UST: variants seen among roughly 807,000 people sequenced by gnomAD.
UST encodes uronyl 2-sulfotransferase.
A neutral mutation model predicts 45.6 loss-of-function variants in UST; 21 were observed. The observed-to-expected ratio is 0.46, with a 90% confidence interval of 0.33 to 0.66. The LOEUF (loss-of-function observed/expected upper bound fraction) is 0.66. Ranked by LOEUF, UST falls within the 30% of genes least tolerant of loss-of-function variation. The probability of loss-of-function intolerance (pLI) is 0.02; values close to 1 mark genes in which losing one functional copy is unlikely to be tolerated. For missense variants in UST, 463 were observed against 512.4 expected, an observed-to-expected ratio of 0.90 and a Z score of 0.93; for synonymous variants, 215 against 200.6, an observed-to-expected ratio of 1.07 and a Z score of -0.61.
At chr6:148,890,941 T>C (rs1256428645) in intron 2 of UST, among the ~76,000 whole-genome samples, 1 of 152,192 alleles carries the variant, frequency 6.6e-6, no homozygotes, top group Non-Finnish European at 1.5e-5. Context: ...AACAAAAGCA[T>C]GATAGCTCTT....
At chr6:148,964,372 G>A in intron 4 of UST, 38 bp from the exon 5 acceptor site, 1 of 1,610,572 alleles carries the variant, frequency 6.2e-7, no homozygotes, top group Non-Finnish European at 8.5e-7. Flanking sequence ...TTTTCGTCCT[G>A]CAGTGATGGG....
intron 2 of UST, among the ~76,000 whole-genome samples, chr6:148,922,873 A>G (rs1388782612): frequency 5.9e-5 from 9 of 151,860 alleles, no homozygotes; most frequent in Admixed American, 6.6e-5. Context: ...GCTTACTGCA[A>G]CCTCCACCTC....
chr6:148,869,637 A>G (rs1175961716), intron 1 of UST, among the ~76,000 whole-genome samples: 1 of 152,316 alleles, frequency 6.6e-6, no homozygotes, highest in Non-Finnish European at 1.5e-5. Flanking sequence ...GCTGGCATCA[A>G]ACGCATTTCA....
At chr6:148,923,642 C>T (rs1779756518) in intron 2 of UST, among the ~76,000 whole-genome samples, 1 of 152,178 alleles carries the variant, frequency 6.6e-6, no homozygotes, top group African/African-American at 2.4e-5. Flanking sequence ...TGCGGTGGCT[C>T]ATGCCTGTAA....
At position 148,747,259 on chromosome 6, in the gene UST, A is replaced by G. The variant is rs1170089809; in HGVS notation, c.-172A>G. ...CGCTCGGGCCGCGGCGGCGGGGACC[A>G]TGCCGAAGAAAGTCTCCTGAGCCCG... On this transcript the variant is annotated 5_prime_UTR_variant, in exon 1 of 8. The change abolishes an upstream ATG in the 5' untranslated region. Coordinates refer to ENST00000367463, the MANE Select transcript of UST (RefSeq NM_005715.3). The G allele has an allele frequency of 1.2e-5, 9 of 722,796 alleles. No individual in the cohort carries two copies. The highest frequency in any genetic ancestry group is 1.7e-5 in the Non-Finnish European group (9 of 521,844). 44.8% of individuals were successfully genotyped at this position (722,796 alleles called of 1,614,324 possible). A position where few individuals can be genotyped will look rare whatever the true frequency, so the allele number is the denominator to read the frequency against.
chr6:148,826,849 A>G (rs574396809), intron 1 of UST, among the ~76,000 whole-genome samples: 1 of 152,296 alleles, frequency 6.6e-6, no homozygotes, highest in Non-Finnish European at 1.5e-5. Flanking sequence ...CAAAGCCAAC[A>G]AAGTCAGGTT....
intron 2 of UST, among the ~76,000 whole-genome samples, chr6:148,936,788 C>T (rs1231518893): frequency 3.9e-5 from 6 of 152,050 alleles, no homozygotes; most frequent in South Asian, 2.1e-4. Flanking sequence ...CTCTGCCTCT[C>T]GGCTTCAAGC....
At chr6:148,968,687 A>T (rs577929144) in intron 5 of UST, among the ~76,000 whole-genome samples, 2 of 152,360 alleles carry the variant, frequency 1.3e-5, no homozygotes, top group East Asian at 3.9e-4. Context: ...AGAGCATCTT[A>T]TTCCTGCTGA....
chr6:148,830,535 C>T (rs1011609868), intron 1 of UST, among the ~76,000 whole-genome samples: 5 of 152,146 alleles, frequency 3.3e-5, no homozygotes, highest in African/African-American at 1.2e-4. Flanking sequence ...GACCACTGCC[C>T]TTGATCATAG....
At chr6:149,067,317 G>C (rs1776746445) in intron 7 of UST, among the ~76,000 whole-genome samples, 1 of 152,142 alleles carries the variant, frequency 6.6e-6, no homozygotes, top group Non-Finnish European at 1.5e-5. Context: ...CCAATTTCTA[G>C]GTAGATAAGG....
chr6:149,016,251 T>A (rs1775898007), intron 5 of UST, among the ~76,000 whole-genome samples: 1 of 152,240 alleles, frequency 6.6e-6, no homozygotes, highest in Non-Finnish European at 1.5e-5. Context: ...TAGGAATTTA[T>A]GTCTTCCTAT....
In UST at chr6:148,996,859, G is replaced by A. The variant is rs564684622; in HGVS notation, c.682-22280G>A. Reference sequence around the variant, plus strand: ...TAAAAAGGGGAGGGAATATCAATAAGAGAAAGGAAAGAGTAATAAGAGAAA... The same window carrying A: ...TAAAAAGGGGAGGGAATATCAATAAAAGAAAGGAAAGAGTAATAAGAGAAA... On this transcript the variant is annotated intron_variant, in intron 5 of 7. Transcript: ENST00000367463. Among the ~76,000 whole-genome samples, 4 of 152,300 alleles carry A rather than the reference G, an allele frequency of 2.6e-5. No homozygotes were observed. In the East Asian group the frequency reaches 7.7e-4, roughly 29 times the overall value.
chr6:148,943,816 A>G (rs1196768849), intron 3 of UST, among the ~76,000 whole-genome samples: 1 of 152,230 alleles, frequency 6.6e-6, no homozygotes, highest in Admixed American at 6.5e-5. Context: ...ATTGTAAGGC[A>G]GTTTTAAAAA....
At chr6:148,980,121 G>T (rs1197827992) in intron 5 of UST, among the ~76,000 whole-genome samples, 1 of 152,022 alleles carries the variant, frequency 6.6e-6, no homozygotes, top group African/African-American at 2.4e-5. Context: ...GAGTTTGTAC[G>T]GTCAGTTTCG....
At chr6:148,823,360 C>G (rs1777502558) in intron 1 of UST, among the ~76,000 whole-genome samples, 1 of 152,140 alleles carries the variant, frequency 6.6e-6, no homozygotes, top group East Asian at 1.9e-4. Flanking sequence ...AATCTGTGGC[C>G]CTTTGCTCTA....
At chr6:148,828,376 C>T (rs997556463) in intron 1 of UST, among the ~76,000 whole-genome samples, 23 of 151,880 alleles carry the variant, frequency 1.5e-4, no homozygotes, top group Non-Finnish European at 2.6e-4. Flanking sequence ...TTAATAATGC[C>T]GTTATATTAC....
At chr6:148,832,172 G>A (rs1462868101) in intron 1 of UST, among the ~76,000 whole-genome samples, 1 of 152,166 alleles carries the variant, frequency 6.6e-6, no homozygotes, top group Non-Finnish European at 1.5e-5. Flanking sequence ...TGTATTTTTA[G>A]TAGAGACAGG....
At chr6:149,005,740 T>A in intron 5 of UST, 1 of 590,540 alleles carries the variant, frequency 1.7e-6, no homozygotes, top group Non-Finnish European at 2.1e-6. Flanking sequence ...TGCATTAATT[T>A]ATGAACTCAT....
intron 1 of UST, among the ~76,000 whole-genome samples, chr6:148,836,104 G>A (rs1325043827): frequency 2.0e-5 from 3 of 152,116 alleles, no homozygotes; most frequent in East Asian, 1.9e-4. Context: ...CGTGTTTTGC[G>A]GAAGAGGAGG....
Sources: allele counts gnomAD v4.1 joint callset (sites outside exome capture counted in the v4.1 genomes callset), GRCh38; gene constraint gnomAD v4.1.1; transcripts MANE v1.5; gene names NCBI Gene and HGNC (gene_info 2026-07-23, HGNC 2026-07-21).